Variants in CLMN observed in about 807,000 individuals in gnomAD.
CLMN encodes calmin.
Under a neutral mutation model 92.7 loss-of-function variants are expected in CLMN, and 57 were observed. The ratio of observed to expected loss-of-function variants is 0.61; its 90% CI spans 0.50 to 0.77. CLMN has a LOEUF of 0.77. Ranked by LOEUF, CLMN falls within the 30% of genes least tolerant of loss-of-function variation. The probability of loss-of-function intolerance (pLI) is 0.00; values close to 1 mark genes in which losing one functional copy is unlikely to be tolerated. For missense variants in CLMN, 1,158 were observed against 1,237.5 expected (o/e 0.94, Z 0.96); for synonymous variants, 466 against 470.6 (o/e 0.99, Z 0.13).
At chr14:95,258,694 T>TG (rs1207954098) in intron 1 of CLMN, among the ~76,000 whole-genome samples, 1 of 134,534 alleles carries the variant, frequency 7.4e-6, no homozygotes, top group South Asian at 2.3e-4. Context: ...TGGTGTGTGG[T>TG]TGTGTGTGGA....
intron 6 of CLMN, 28 bp downstream of exon 6, chr14:95,213,191 T>C: frequency 1.2e-6 from 2 of 1,602,294 alleles, no homozygotes; most frequent in Non-Finnish European, 1.7e-6. Context: ...TTAAATGAAG[T>C]AGTGTGGGGA....
At chr14:95,284,656 C>T (rs1000975812) in intron 1 of CLMN, among the ~76,000 whole-genome samples, 1 of 152,182 alleles carries the variant, frequency 6.6e-6, no homozygotes, top group African/African-American at 2.4e-5. Context: ...AAATTTCAGA[C>T]TTGCACAGGC....
chr14:95,238,499 C>T (rs1295305154), intron 1 of CLMN, among the ~76,000 whole-genome samples: 2 of 152,224 alleles, frequency 1.3e-5, no homozygotes, highest in African/African-American at 2.4e-5. Flanking sequence ...TTTGCTCTGA[C>T]CCAAGTCCCT....
intron 1 of CLMN, among the ~76,000 whole-genome samples, chr14:95,257,962 AG>A (rs1250164563): frequency 5.3e-5 from 8 of 152,156 alleles, no homozygotes; most frequent in African/African-American, 1.9e-4. Flanking sequence ...CAGAGGCAAA[AG>A]TACAAGAGTC....
intron 4 of CLMN, among the ~76,000 whole-genome samples, chr14:95,217,617 C>T (rs1168725540): frequency 1.3e-5 from 2 of 152,236 alleles, no homozygotes; most frequent in African/African-American, 4.8e-5. Flanking sequence ...CTCGCCTGCT[C>T]GTCTCCTAAG....
chr14:95,227,919 A>C (rs1051455643), intron 2 of CLMN, among the ~76,000 whole-genome samples: 4 of 152,204 alleles, frequency 2.6e-5, no homozygotes, highest in African/African-American at 9.7e-5. Flanking sequence ...GTTGTTCTTG[A>C]AAGTCTCAAG....
In CLMN at chr14:95,191,852, C is replaced by T. The variant is rs868187115; in HGVS notation, c.2841-120G>A. 4 of 912,412 alleles carry T rather than the reference C, an allele frequency of 4.4e-6. No individual in the cohort carries two copies. The Admixed American group carries it at 8.2e-5, about 19-fold the overall frequency. 56.5% of individuals were successfully genotyped at this position (912,412 alleles called of 1,614,324 possible). A position where few individuals can be genotyped will look rare whatever the true frequency, so the allele number is the denominator to read the frequency against. ...CCCCGCCTGAAGACCCGAAGGCTCCCCAGCACCATGTCCAGGTAGGCCCCA... is the reference window on the plus strand; with the variant it reads ...CCCCGCCTGAAGACCCGAAGGCTCCTCAGCACCATGTCCAGGTAGGCCCCA... On this transcript the variant is annotated intron_variant, in intron 12 of 12. Transcript: ENST00000298912. This position sits in a 1 kb window ranked among gnomAD's most constrained non-coding sequence, Gnocchi z 5.3.
intron 1 of CLMN, among the ~76,000 whole-genome samples, chr14:95,268,158 G>C (rs1027765728): frequency 1.3e-5 from 2 of 152,140 alleles, no homozygotes; most frequent in African/African-American, 4.8e-5. Context: ...AAAATAGCTA[G>C]AAGAGAAAAA....
chr14:95,273,674 C>T (rs552554891), intron 1 of CLMN, among the ~76,000 whole-genome samples: 2 of 152,154 alleles, frequency 1.3e-5, no homozygotes, highest in Non-Finnish European at 2.9e-5. Flanking sequence ...GGGTATCTTA[C>T]CCCCGCCATT....
intron 1 of CLMN, among the ~76,000 whole-genome samples, chr14:95,251,212 T>TGG (rs1423960088): frequency 3.9e-5 from 6 of 152,168 alleles, no homozygotes; most frequent in Admixed American, 6.5e-5. Flanking sequence ...ACAATGATGA[T>TGG]AAAACCACCA....
Position 95,204,488 on chromosome 14 carries a change from A to C in CLMN, c.886-25T>G, listed in dbSNP as rs201246603. 3.8e-4 allele frequency: 572 copies of C among 1,524,982 alleles called. 4 individuals are homozygous for C. The East Asian group carries it at 0.01, about 28-fold the overall frequency. 94.5% of individuals were successfully genotyped at this position (1,524,982 alleles called of 1,614,324 possible). On this transcript the variant is annotated intron_variant, in intron 8 of 12. Coordinates refer to ENST00000298912, the MANE Select transcript of CLMN (RefSeq NM_024734.4). ...CCTGCAAAAAAAAACAAAAACAAAC[A>C]AACAAAAAAAAACAAAAGAACAACA...
At chr14:95,230,709 G>A (rs1288391929) in intron 1 of CLMN, among the ~76,000 whole-genome samples, 7 of 152,204 alleles carry the variant, frequency 4.6e-5, no homozygotes, top group Non-Finnish European at 1.0e-4. Context: ...GGAGGATGAG[G>A]AGCTCACTCT....
chr14:95,242,063 A>C (rs561168003), intron 1 of CLMN, among the ~76,000 whole-genome samples: 2 of 152,122 alleles, frequency 1.3e-5, no homozygotes, highest in South Asian at 2.1e-4. Context: ...GTAGGTTACA[A>C]ACGCCAGTTC....
chr14:95,310,751 G>A (rs1351419037), intron 1 of CLMN, among the ~76,000 whole-genome samples: 1 of 152,224 alleles, frequency 6.6e-6, no homozygotes, highest in Non-Finnish European at 1.5e-5. Context: ...CAAAAAGGCT[G>A]TTCTGGGCAT....
At chr14:95,279,476 C>T (rs1900061176) in intron 1 of CLMN, among the ~76,000 whole-genome samples, 1 of 152,144 alleles carries the variant, frequency 6.6e-6, no homozygotes, top group African/African-American at 2.4e-5. Flanking sequence ...AGGCTCCACA[C>T]CTGGTACATA....
At chr14:95,280,742 TG>T (rs1165198357) in intron 1 of CLMN, among the ~76,000 whole-genome samples, 3 of 152,204 alleles carry the variant, frequency 2.0e-5, no homozygotes, top group African/African-American at 4.8e-5. Context: ...GTTTGGCTTT[TG>T]TTGGGCTATA....
At chr14:95,311,224 C>T (rs574099809) in intron 1 of CLMN, among the ~76,000 whole-genome samples, 1 of 152,262 alleles carries the variant, frequency 6.6e-6, no homozygotes, top group East Asian at 1.9e-4. Flanking sequence ...CCCCACCCGC[C>T]GCCCCAGTTC....
At position 95,183,266 on chromosome 14, in the gene CLMN, G is replaced by A. The variant is rs1450938101; in HGVS notation, c.*8298C>T. On this transcript the variant is annotated 3_prime_UTR_variant, in exon 13 of 13. Transcript: ENST00000298912. ...CTCCCAGAGTTTCCTTTAAAAAAGT[G>A]TCTAAATCCTTGCATGACATTTAGC... The A allele has an allele frequency of 1.3e-5, 2 of 152,198 alleles. No individual in the cohort carries two copies. The highest frequency in any genetic ancestry group is 4.8e-5 in the African/African-American group (2 of 41,424). The allele number at this position is 152,198 out of a possible 1,614,324, so 9.4% of individuals were successfully genotyped here. A position where few individuals can be genotyped will look rare whatever the true frequency, so the allele number is the denominator to read the frequency against.
rs138748967 is a variant in CLMN, at chr14:95,297,935, G to A, written c.82+21776C>T. Among the ~76,000 whole-genome samples, 531 of 152,196 alleles carry A rather than the reference G, an allele frequency of 3.5e-3. 4 individuals are homozygous for A. The highest frequency in any genetic ancestry group is 0.012 in the African/African-American group (487 of 41,518). On this transcript the variant is annotated intron_variant, in intron 1 of 12. Coordinates refer to ENST00000298912, the MANE Select transcript of CLMN (RefSeq NM_024734.4). ...ATTTCCCTTGGCAAATACCTTAGAG[G>A]AAATCTGAGGCTGTATGGTAGAGTA...
Sources: gnomAD v4.1 joint callset for allele counts (sites outside exome capture counted in the v4.1 genomes callset) on GRCh38, gnomAD v4.1.1 for gene constraint, Gnocchi (gnomAD v3.1) non-coding constraint, MANE v1.5 for transcripts, NCBI Gene and HGNC (gene_info 2026-07-23, HGNC 2026-07-21) for gene names.